FAM53B: variants seen among roughly 807,000 people sequenced by gnomAD.
FAM53B encodes the protein family with sequence similarity 53 member B.
In FAM53B, 12 loss-of-function variants were observed where a neutral mutation model predicts 32.7. That is an observed-to-expected ratio of 0.37 (90% CI 0.24 to 0.59). The LOEUF is 0.59. Among genes scored for constraint, FAM53B ranks in the 20% least tolerant of loss-of-function variants. The pLI is 0.72. For missense variants in FAM53B, 477 were observed against 577.7 expected, an observed-to-expected ratio of 0.83 and a Z score of 1.79; for synonymous variants, 234 against 228.7, an observed-to-expected ratio of 1.02 and a Z score of -0.21.
intron 1 of FAM53B, among the ~76,000 whole-genome samples, chr10:124,718,600 G>A (rs1330727864): frequency 6.6e-6 from 1 of 152,224 alleles, no homozygotes; most frequent in African/African-American, 2.4e-5. Flanking sequence ...GGTTCTGGAG[G>A]GCAGGATAAA....
chr10:124,728,634 T>C (rs1950122754), intron 1 of FAM53B, among the ~76,000 whole-genome samples: 1 of 152,244 alleles, frequency 6.6e-6, no homozygotes, highest in Non-Finnish European at 1.5e-5. Flanking sequence ...TTTTGATGAC[T>C]TCTATGCAAG....
chr10:124,642,433 G>C (rs1352984292), intron 4 of FAM53B, among the ~76,000 whole-genome samples: 1 of 152,254 alleles, frequency 6.6e-6, no homozygotes, highest in African/African-American at 2.4e-5. Context: ...TACCAAAACA[G>C]AAGGGCAGCC....
chr10:124,706,977 G>A, intron 1 of FAM53B, 90 bp from the exon 2 acceptor site: 7 of 1,226,044 alleles, frequency 5.7e-6, no homozygotes, highest in Non-Finnish European at 7.5e-6. Flanking sequence ...GGAAATCCCA[G>A]GGGACTGGAA....
chr10:124,676,234 G>A (rs1949735642), intron 4 of FAM53B, among the ~76,000 whole-genome samples: 1 of 152,178 alleles, frequency 6.6e-6, no homozygotes, highest in Non-Finnish European at 1.5e-5. Context: ...GGGCTTTCTA[G>A]GGCTTTCCAT....
chr10:124,627,231 A>T (rs1949361537), intron 4 of FAM53B, among the ~76,000 whole-genome samples: 1 of 151,910 alleles, frequency 6.6e-6, no homozygotes, highest in Admixed American at 6.5e-5. Flanking sequence ...CTCGTGAGCA[A>T]CCCCCATGCA....
At chr10:124,649,751 G>A (rs1396751199) in intron 4 of FAM53B, among the ~76,000 whole-genome samples, 1 of 152,156 alleles carries the variant, frequency 6.6e-6, no homozygotes, top group Non-Finnish European at 1.5e-5. Flanking sequence ...ACTGGGAAGT[G>A]TGCACTTGAT....
chr10:124,650,157 G>A (rs1370735418), intron 4 of FAM53B, among the ~76,000 whole-genome samples: 1 of 152,222 alleles, frequency 6.6e-6, no homozygotes, highest in South Asian at 2.1e-4. Context: ...ATATAATTAA[G>A]TATAGGATAA....
chr10:124,650,623 A>G (rs1949550167), intron 4 of FAM53B, among the ~76,000 whole-genome samples: 1 of 152,296 alleles, frequency 6.6e-6, no homozygotes, highest in East Asian at 1.9e-4. Context: ...GCCAGAGCAC[A>G]GCGAAGCCGA....
intron 4 of FAM53B, among the ~76,000 whole-genome samples, chr10:124,647,324 G>A (rs570867148): frequency 3.4e-4 from 51 of 152,118 alleles, no homozygotes; most frequent in Non-Finnish European, 6.0e-4. Flanking sequence ...TCTGAGGAGC[G>A]GCCCCAAGGC....
intron 3 of FAM53B, among the ~76,000 whole-genome samples, chr10:124,691,810 G>A (rs1949834294): frequency 6.6e-6 from 1 of 152,206 alleles, no homozygotes; most frequent in Admixed American, 6.5e-5. Context: ...AGAAGATGTG[G>A]AGGGAGCCTT....
intron 4 of FAM53B, among the ~76,000 whole-genome samples, chr10:124,631,838 C>T (rs1949393057): frequency 6.6e-6 from 1 of 152,210 alleles, no homozygotes; most frequent in Non-Finnish European, 1.5e-5. Context: ...CACCAAAACC[C>T]GCCTCTGCAG....
At chr10:124,649,918 T>C (rs1268351527) in intron 4 of FAM53B, among the ~76,000 whole-genome samples, 9 of 152,196 alleles carry the variant, frequency 5.9e-5, no homozygotes, top group Non-Finnish European at 1.3e-4. Flanking sequence ...AAGACACTAC[T>C]GTTCCCATTT....
At chr10:124,726,012 G>A (rs982298988) in intron 1 of FAM53B, among the ~76,000 whole-genome samples, 1 of 152,190 alleles carries the variant, frequency 6.6e-6, no homozygotes, top group Admixed American at 6.5e-5. Flanking sequence ...CGGATCAGTA[G>A]AGAATTGCCT....
intron 4 of FAM53B, among the ~76,000 whole-genome samples, chr10:124,679,281 A>G (rs1252033464): frequency 6.6e-6 from 1 of 152,172 alleles, no homozygotes; most frequent in Non-Finnish European, 1.5e-5. Context: ...GAGTGAAGCC[A>G]CAGCACGCAG....
intron 4 of FAM53B, among the ~76,000 whole-genome samples, chr10:124,668,306 C>T (rs1262620760): frequency 6.6e-6 from 1 of 152,246 alleles, no homozygotes; most frequent in Non-Finnish European, 1.5e-5. Flanking sequence ...CTGAGCAGGA[C>T]CACAGCCCCC....
At chr10:124,656,748 C>T (rs1054697264) in intron 4 of FAM53B, among the ~76,000 whole-genome samples, 1 of 152,138 alleles carries the variant, frequency 6.6e-6, no homozygotes, top group Non-Finnish European at 1.5e-5. Flanking sequence ...ACTAAGGATA[C>T]AAGAGCATCA....
chr10:124,647,419 T>C (rs764547597), intron 4 of FAM53B, among the ~76,000 whole-genome samples: 7 of 152,148 alleles, frequency 4.6e-5, no homozygotes, highest in African/African-American at 9.7e-5. Flanking sequence ...AAGCAGAGTG[T>C]TGATCTGTAC....
chr10:124,647,433 T>C (rs752099781), intron 4 of FAM53B, among the ~76,000 whole-genome samples: 4 of 152,048 alleles, frequency 2.6e-5, no homozygotes, highest in Non-Finnish European at 2.9e-5. Flanking sequence ...TCTGTACATT[T>C]TGAAGTTCCA....
chr10:124,716,820 A>G (rs1186636847), intron 1 of FAM53B, among the ~76,000 whole-genome samples: 2 of 152,102 alleles, frequency 1.3e-5, no homozygotes, highest in African/African-American at 4.8e-5. Context: ...GAGTGGCCAC[A>G]GAGCTAGATG....
Sources: allele counts gnomAD v4.1 joint callset (sites outside exome capture counted in the v4.1 genomes callset), GRCh38; gene constraint gnomAD v4.1.1; transcripts MANE v1.5; gene names NCBI Gene and HGNC (gene_info 2026-07-23, HGNC 2026-07-21).